The following GPC5 variants were observed in gnomAD, a reference collection of about 807,000 sequenced individuals.
GPC5 encodes the protein glypican-5.
Under a neutral mutation model 53.9 loss-of-function variants are expected in GPC5, and 47 were observed. That is an observed-to-expected ratio of 0.87 (90% CI 0.69 to 1.11). GPC5 has a LOEUF of 1.11. Among genes scored for constraint, GPC5 ranks in the 50% most tolerant of loss-of-function variants. The probability of loss-of-function intolerance (pLI) is 0.00; values close to 1 mark genes in which losing one functional copy is unlikely to be tolerated. For missense variants in GPC5, 748 were observed against 713.1 expected (o/e 1.05, Z -0.56); for synonymous variants, 286 against 263.3 (o/e 1.09, Z -0.84).
chr13:92,346,654 T>A (rs2043415412), intron 7 of GPC5, among the ~76,000 whole-genome samples: 1 of 152,154 alleles, frequency 6.6e-6, no homozygotes, highest in South Asian at 2.1e-4. Context: ...TATGAAGAAT[T>A]AGGGAATCAT....
At chr13:91,902,233 G>A (rs1411887190) in intron 5 of GPC5, among the ~76,000 whole-genome samples, 1 of 151,898 alleles carries the variant, frequency 6.6e-6, no homozygotes, top group Non-Finnish European at 1.5e-5. Flanking sequence ...AATAGGGCAT[G>A]GTATCAGTTT....
chr13:91,500,971 A>G (rs1424860689), intron 2 of GPC5, among the ~76,000 whole-genome samples: 2 of 152,154 alleles, frequency 1.3e-5, no homozygotes, highest in Non-Finnish European at 2.9e-5. Flanking sequence ...GTCTACTGCC[A>G]TGGAAGATGT....
At chr13:92,169,173 C>T (rs2042052121) in intron 7 of GPC5, among the ~76,000 whole-genome samples, 1 of 152,012 alleles carries the variant, frequency 6.6e-6, no homozygotes, top group African/African-American at 2.4e-5. Flanking sequence ...ACACTGGAGC[C>T]TGTCAGGGGT....
intron 6 of GPC5, among the ~76,000 whole-genome samples, chr13:92,041,416 A>T (rs1033324852): frequency 6.6e-6 from 1 of 152,210 alleles, no homozygotes; most frequent in Non-Finnish European, 1.5e-5. Context: ...AGCATCTCCC[A>T]ACCTCACACT....
chr13:91,986,794 A>G (rs903082231), intron 6 of GPC5, among the ~76,000 whole-genome samples: 12 of 152,228 alleles, frequency 7.9e-5, no homozygotes, highest in African/African-American at 2.7e-4. Flanking sequence ...AGAGTAATCA[A>G]TTGAAACATG....
At chr13:92,374,291 C>T (rs1236656223) in intron 7 of GPC5, among the ~76,000 whole-genome samples, 2 of 152,218 alleles carry the variant, frequency 1.3e-5, no homozygotes, top group East Asian at 3.9e-4. Context: ...ATAAAATGAG[C>T]TCTCTTACCC....
intron 3 of GPC5, among the ~76,000 whole-genome samples, chr13:91,702,770 G>T (rs921157443): frequency 1.3e-5 from 2 of 151,920 alleles, no homozygotes; most frequent in South Asian, 4.1e-4. Flanking sequence ...ATTCAAGAAC[G>T]TGGACATCAT....
At chr13:92,559,792 G>A (rs1054401900) in intron 7 of GPC5, among the ~76,000 whole-genome samples, 1 of 151,266 alleles carries the variant, frequency 6.6e-6, no homozygotes, top group Non-Finnish European at 1.5e-5. Context: ...GGTCCCATTT[G>A]GTATCTCATG....
chr13:92,658,169 C>T (rs1886203650), intron 7 of GPC5, among the ~76,000 whole-genome samples: 1 of 151,978 alleles, frequency 6.6e-6, no homozygotes, highest in Non-Finnish European at 1.5e-5. Flanking sequence ...TGAAAAATAT[C>T]CCAATATTCA....
chr13:92,217,504 A>T (rs1169104662), intron 7 of GPC5, among the ~76,000 whole-genome samples: 2 of 152,068 alleles, frequency 1.3e-5, no homozygotes, highest in East Asian at 3.9e-4. Context: ...CTTACTCCTG[A>T]TATTTTCTGC....
chr13:91,662,324 A>C (rs912621585), intron 2 of GPC5, among the ~76,000 whole-genome samples: 1 of 152,200 alleles, frequency 6.6e-6, no homozygotes, highest in African/African-American at 2.4e-5. Flanking sequence ...CATGTCACCT[A>C]TGATGAGGAC....
At chr13:92,802,942 T>C (rs1210717776) in intron 7 of GPC5, among the ~76,000 whole-genome samples, 2 of 151,922 alleles carry the variant, frequency 1.3e-5, no homozygotes, top group Non-Finnish European at 2.9e-5. Context: ...ACGTGACAAA[T>C]GGCATGCAGC....
intron 5 of GPC5, among the ~76,000 whole-genome samples, chr13:91,896,099 C>G (rs890403905): frequency 6.6e-6 from 1 of 151,014 alleles, no homozygotes; most frequent in African/African-American, 2.4e-5. Context: ...ATAATCCCCC[C>G]ATTTAAAATT....
At chr13:91,648,840 A>G (rs1340314284) in intron 2 of GPC5, among the ~76,000 whole-genome samples, 2 of 152,144 alleles carry the variant, frequency 1.3e-5, no homozygotes, top group African/African-American at 4.8e-5. Context: ...CCTTCCCACT[A>G]TGAGAATCAG....
Position 91,875,293 on chromosome 13 carries a change from C to T in GPC5, c.1281-32644C>T, listed in dbSNP as rs547845079. 3.3e-5 allele frequency among the ~76,000 whole-genome samples: 5 copies of T among 152,178 alleles called. No individual in the cohort carries two copies. The East Asian group carries it at 7.7e-4, about 24-fold the overall frequency. Reference sequence around the variant, plus strand: ...TATCTTTCCTTTGTTTGCATCTTCCCCGTGTAGTAACTTCTGCTTTTGTAG... The same window carrying T: ...TATCTTTCCTTTGTTTGCATCTTCCTCGTGTAGTAACTTCTGCTTTTGTAG... On this transcript the variant is annotated intron_variant, in intron 5 of 7. Coordinates refer to ENST00000377067, the MANE Select transcript of GPC5 (RefSeq NM_004466.6).
intron 7 of GPC5, among the ~76,000 whole-genome samples, chr13:92,789,834 C>T (rs937369249): frequency 6.6e-6 from 1 of 152,022 alleles, no homozygotes; most frequent in Non-Finnish European, 1.5e-5. Flanking sequence ...TGAAGTCCCA[C>T]AATAGGGTAT....
intron 6 of GPC5, among the ~76,000 whole-genome samples, chr13:91,931,001 T>C (rs9301763): frequency 0.46 from 70,523 of 151,904 alleles, 17,347 homozygotes; most frequent in East Asian, 0.73. Flanking sequence ...TCTGCTAGCA[T>C]AAAATGGTGC....
chr13:91,626,175 G>C (rs1180834188), intron 2 of GPC5, among the ~76,000 whole-genome samples: 1 of 152,088 alleles, frequency 6.6e-6, no homozygotes, highest in African/African-American at 2.4e-5. Flanking sequence ...TTTGTGAAAA[G>C]GAGTCTTTTG....
intron 2 of GPC5, among the ~76,000 whole-genome samples, chr13:91,584,137 G>C (rs1183638016): frequency 1.3e-5 from 2 of 152,178 alleles, no homozygotes; most frequent in African/African-American, 2.4e-5. Flanking sequence ...AAGCGAAAGA[G>C]AGGCCGCCGA....
Sources: gnomAD v4.1 joint callset for allele counts (sites outside exome capture counted in the v4.1 genomes callset) on GRCh38, gnomAD v4.1.1 for gene constraint, MANE v1.5 for transcripts, NCBI Gene and HGNC (gene_info 2026-07-23, HGNC 2026-07-21) for gene names.